Variants in SLC18A1 observed in about 807,000 individuals in gnomAD.
SLC18A1 encodes solute carrier family 18 member A1, also known as chromaffin granule amine transporter.
Under a neutral mutation model 53.7 loss-of-function variants are expected in SLC18A1, and 69 were observed. The ratio of observed to expected loss-of-function variants is 1.28; its 90% CI spans 1.06 to 1.57. SLC18A1 has a LOEUF of 1.57. Ranked by LOEUF, SLC18A1 falls within the 40% of genes most tolerant of loss-of-function variation. The probability of loss-of-function intolerance (pLI) is 0.00; values close to 1 mark genes in which losing one functional copy is unlikely to be tolerated. For synonymous variants in SLC18A1, 320 were observed against 248.1 expected (o/e 1.29, Z -2.72); for missense variants, 932 against 668.1 (o/e 1.40, Z -4.35).
rs1554534418 is a variant in SLC18A1, at chr8:20,151,154, TTTTGTTTG to T, written c.1016-418_1016-411del. ...ACCTAGTTGTTTTTTTTTGTTTTTT[TTTTGTTTG>T]TTTGTTTGTTTGTTTGTTTTGTAGA... is the stretch of plus-strand genomic sequence containing the variant. On this transcript the variant is annotated intron_variant, in intron 10 of 15. Transcript: ENST00000276373. 4.1e-5 allele frequency among the ~76,000 whole-genome samples: 6 copies of T among 147,498 alleles called. No individual in the cohort carries two copies. In the East Asian group the frequency reaches 8.2e-4, roughly 20 times the overall value.
chr8:20,160,128 A>G (rs2071786375), intron 10 of SLC18A1, among the ~76,000 whole-genome samples: 1 of 151,942 alleles, frequency 6.6e-6, no homozygotes, highest in Non-Finnish European at 1.5e-5. Flanking sequence ...TCTTCTATGG[A>G]GTAGAAGTAA....
At chr8:20,171,231 T>C (rs960714990) in intron 7 of SLC18A1, 85 bp from the exon 8 acceptor site, 11 of 1,455,808 alleles carry the variant, frequency 7.6e-6, no homozygotes, top group Non-Finnish European at 9.6e-6. Context: ...TACCACCCTA[T>C]TATGCATAAA....
At chr8:20,182,310 G>A (rs1470938138) in intron 1 of SLC18A1, among the ~76,000 whole-genome samples, 1 of 152,096 alleles carries the variant, frequency 6.6e-6, no homozygotes, top group African/African-American at 2.4e-5. Context: ...AGTCAAACAT[G>A]TTAATGGTGG....
At chr8:20,168,489 C>T (rs968491844) in intron 8 of SLC18A1, among the ~76,000 whole-genome samples, 3 of 152,062 alleles carry the variant, frequency 2.0e-5, no homozygotes, top group Admixed American at 2.0e-4. Context: ...ATCACATGTA[C>T]ATAAAATTAT....
intron 5 of SLC18A1, among the ~76,000 whole-genome samples, 166 bp from the exon 6 acceptor site, chr8:20,173,294 C>G (rs894562675): frequency 5.9e-5 from 9 of 152,166 alleles, no homozygotes; most frequent in Non-Finnish European, 1.3e-4. Context: ...TACTACCCTC[C>G]CTAGTCCCCC....
Position 20,147,368 on chromosome 8 carries a change from C to A in SLC18A1, c.1354G>T (p.Val452Leu). The change falls in exon 15 of 16, where the codon GTA (valine) becomes TTA (leucine). Residue 452 changes from valine to leucine, a missense_variant. Coordinates refer to ENST00000276373, the MANE Select transcript of SLC18A1 (RefSeq NM_003053.4). ...AGCCAGGGAAAACCGATGGCCTTTA[C>A]AATGGCACCACCGGTGGATGGACCT... ...AIGPSTGGAIVKAIGFPWLMV... is the reference protein window; with the variant it reads ...AIGPSTGGAILKAIGFPWLMV... 2 of 1,611,840 alleles carry A rather than the reference C, an allele frequency of 1.2e-6. No homozygotes were observed. Among genetic ancestry groups the A allele is most frequent in the South Asian group, 1.1e-5 (1 of 90,804 alleles).
intron 15 of SLC18A1, among the ~76,000 whole-genome samples, chr8:20,146,158 G>A (rs1241125948): frequency 2.8e-4 from 43 of 151,962 alleles, no homozygotes; most frequent in Non-Finnish European, 2.2e-4. Flanking sequence ...CTCGTGATGC[G>A]CCCGCCTCAG....
At chr8:20,180,443 A>T (rs2072395382) in intron 2 of SLC18A1, among the ~76,000 whole-genome samples, 1 of 152,200 alleles carries the variant, frequency 6.6e-6, no homozygotes, top group Admixed American at 6.5e-5. Flanking sequence ...CAGATATCCA[A>T]ATAAAATATG....
chr8:20,156,725 C>T (rs775069888), intron 10 of SLC18A1, among the ~76,000 whole-genome samples: 8 of 152,226 alleles, frequency 5.3e-5, no homozygotes, highest in Middle Eastern at 3.4e-3. Flanking sequence ...GGACTTAATC[C>T]GGGGCAACAA....
chr8:20,178,716 C>G (rs1256222695), intron 3 of SLC18A1, among the ~76,000 whole-genome samples: 1 of 152,086 alleles, frequency 6.6e-6, no homozygotes, highest in African/African-American at 2.4e-5. Flanking sequence ...TTCTCATTTC[C>G]AGAAATGATA....
Position 20,147,595 on chromosome 8 carries a change from C to G in SLC18A1, c.1330+8G>C. The G allele has an allele frequency of 6.2e-7, 1 of 1,614,014 alleles. No individual in the cohort carries two copies. Among genetic ancestry groups the G allele is most frequent in the Non-Finnish European group, 8.5e-7 (1 of 1,179,952 alleles). ...GGGAAAGTGGGGCACCAGGTCCTGCCAACATACCTATAGCAAAGCCCATGC... is the reference window on the plus strand; with the variant it reads ...GGGAAAGTGGGGCACCAGGTCCTGCGAACATACCTATAGCAAAGCCCATGC... On this transcript the variant is annotated splice_region_variant and intron_variant, in intron 14 of 15. Coordinates refer to ENST00000276373, the MANE Select transcript of SLC18A1 (RefSeq NM_003053.4).
intron 10 of SLC18A1, among the ~76,000 whole-genome samples, chr8:20,155,469 A>T (rs1011326640): frequency 5.9e-5 from 9 of 151,898 alleles, no homozygotes; most frequent in Non-Finnish European, 1.3e-4. Flanking sequence ...TGCTTTCACA[A>T]TTTTCTTGGG....
At chr8:20,178,308 C>T in intron 4 of SLC18A1, 127 bp downstream of exon 4, 1 of 700,378 alleles carries the variant, frequency 1.4e-6, no homozygotes, top group Non-Finnish European at 2.4e-6. Flanking sequence ...GCATTTAAAC[C>T]AATATTCCAG....
chr8:20,162,542 G>A (rs1446177927), intron 10 of SLC18A1, among the ~76,000 whole-genome samples: 1 of 152,280 alleles, frequency 6.6e-6, no homozygotes. Flanking sequence ...AAGCTTTGCT[G>A]CTTAGATATT....
chr8:20,146,516 C>G (rs779021388), intron 15 of SLC18A1, among the ~76,000 whole-genome samples: 1 of 152,158 alleles, frequency 6.6e-6, no homozygotes, highest in Non-Finnish European at 1.5e-5. Context: ...TATCCCAAAC[C>G]CATCAGGCCC....
chr8:20,159,971 G>T (rs973171217), intron 10 of SLC18A1, among the ~76,000 whole-genome samples: 3 of 152,080 alleles, frequency 2.0e-5, no homozygotes, highest in African/African-American at 7.2e-5. Flanking sequence ...GAGTGAGTTT[G>T]TCTGGATCTC....
At chr8:20,151,572 A>T (rs1269056869) in intron 10 of SLC18A1, among the ~76,000 whole-genome samples, 5 of 152,198 alleles carry the variant, frequency 3.3e-5, no homozygotes, top group African/African-American at 1.2e-4. Context: ...CTATGATTAT[A>T]TCATACCGGG....
At chr8:20,171,571 G>A (rs1282288890) in intron 6 of SLC18A1, 77 bp from the exon 7 acceptor site, 64 of 1,189,418 alleles carry the variant, frequency 5.4e-5, no homozygotes, top group South Asian at 4.3e-4. Context: ...TATTTACCCC[G>A]TGAGCATTTG....
At chr8:20,170,146 A>C (rs947518722) in intron 8 of SLC18A1, among the ~76,000 whole-genome samples, 2 of 152,240 alleles carry the variant, frequency 1.3e-5, no homozygotes, top group South Asian at 2.1e-4. Context: ...GGACCCAGAC[A>C]TCCTACTCCT....
Sources: gnomAD v4.1 joint callset for allele counts (sites outside exome capture counted in the v4.1 genomes callset) on GRCh38, gnomAD v4.1.1 for gene constraint, MANE v1.5 for transcripts, NCBI Gene and HGNC (gene_info 2026-07-23, HGNC 2026-07-21) for gene names.